The following TMEM260 variants were observed in gnomAD, a reference collection of about 807,000 sequenced individuals.
The protein encoded by TMEM260 is protein O-mannosyl-transferase TMEM260.
A neutral mutation model predicts 88.9 loss-of-function variants in TMEM260; 82 were observed. The observed-to-expected ratio is 0.92, with a 90% confidence interval of 0.77 to 1.11. TMEM260 has a LOEUF of 1.11. TMEM260 is among the 50% of genes least tolerant of loss of function. The probability of loss-of-function intolerance (pLI) is 0.00; values close to 1 mark genes in which losing one functional copy is unlikely to be tolerated. For synonymous variants in TMEM260, 314 were observed against 309.3 expected (o/e 1.02, Z -0.16); for missense variants, 902 against 853.4 (o/e 1.06, Z -0.71).
downstream of TMEM260, among the ~76,000 whole-genome samples, chr14:56,653,736 C>CAAAACAAACAAAAAAA (rs1555343536): frequency 2.1e-4 from 14 of 66,564 alleles, no homozygotes; most frequent in South Asian, 1.7e-3. Flanking sequence ...CTCTTGTCTC[C>CAAAACAAACAAAAAAA]AAAACAAAAA....
intron 12 of TMEM260, among the ~76,000 whole-genome samples, chr14:56,632,009 G>A (rs1397897577): frequency 6.6e-6 from 1 of 152,146 alleles, no homozygotes; most frequent in East Asian, 1.9e-4. Flanking sequence ...AGCTACCTAT[G>A]GTAACACTAC....
chr14:56,618,814 G>A, intron 10 of TMEM260, 51 bp downstream of exon 10: 1 of 1,519,566 alleles, frequency 6.6e-7, no homozygotes, highest in Non-Finnish European at 9.1e-7. Context: ...AGAGATACCT[G>A]AATATTTAGA....
intron 2 of TMEM260, 149 bp from the exon 3 acceptor site, chr14:56,585,612 A>T (rs1885443664): frequency 1.4e-6 from 1 of 712,996 alleles, no homozygotes; most frequent in Admixed American, 3.1e-5. Flanking sequence ...CCTCAAGAGG[A>T]TTACAATAGA....
At chr14:56,630,355 T>G (rs1258683339) in intron 12 of TMEM260, among the ~76,000 whole-genome samples, 2 of 152,186 alleles carry the variant, frequency 1.3e-5, no homozygotes, top group Non-Finnish European at 2.9e-5. Context: ...TTCACAGTCT[T>G]TCTTTTCTCC....
chr14:56,581,588 A>G (rs1278838382), intron 1 of TMEM260, among the ~76,000 whole-genome samples: 2 of 152,216 alleles, frequency 1.3e-5, no homozygotes, highest in Admixed American at 1.3e-4. Flanking sequence ...GAAGGATGGG[A>G]GTGAGATTTA....
At chr14:56,631,031 G>T (rs913479216) in intron 12 of TMEM260, among the ~76,000 whole-genome samples, 3 of 152,166 alleles carry the variant, frequency 2.0e-5, no homozygotes, top group African/African-American at 7.2e-5. Context: ...CTCAATTCTT[G>T]CCACCTCAGA....
the TMEM260 span, among the ~76,000 whole-genome samples, chr14:56,661,411 T>C: frequency 6.6e-6 from 1 of 152,210 alleles, no homozygotes; most frequent in African/African-American, 2.4e-5. Context: ...CTCTGTGCCC[T>C]TGTTAGCTCT....
chr14:56,653,736 C>CAAAACAAAAAAAAAA (rs1555343538), downstream of TMEM260, among the ~76,000 whole-genome samples: 1,214 of 66,462 alleles, frequency 0.018, 41 homozygotes, highest in African/African-American at 0.067. Context: ...CTCTTGTCTC[C>CAAAACAAAAAAAAAA]AAAACAAAAA....
intron 11 of TMEM260, 42 bp downstream of exon 11, chr14:56,621,744 A>G: frequency 2.6e-6 from 4 of 1,535,980 alleles, no homozygotes; most frequent in South Asian, 2.5e-5. Flanking sequence ...GCGATGATTT[A>G]AAAACATATG....
intron 3 of TMEM260, among the ~76,000 whole-genome samples, chr14:56,595,526 C>T (rs1270973011): frequency 6.6e-6 from 1 of 152,116 alleles, no homozygotes; most frequent in Admixed American, 6.6e-5. Flanking sequence ...GTCACCCAGG[C>T]CAGAGTACAG....
intron 13 of TMEM260, 44 bp downstream of exon 13, chr14:56,633,215 T>G (rs1032109243): frequency 1.3e-6 from 2 of 1,488,380 alleles, no homozygotes; most frequent in African/African-American, 1.4e-5. Flanking sequence ...ACATAGCAGT[T>G]TTGAATACCC....
chr14:56,610,660 TATTA>T (rs909885763), intron 6 of TMEM260, among the ~76,000 whole-genome samples: 31 of 152,298 alleles, frequency 2.0e-4, no homozygotes, highest in African/African-American at 6.0e-4. Flanking sequence ...AATAAAAAAG[TATTA>T]ATTATTTTGA....
rs1414933364 is a variant in TMEM260, at chr14:56,603,872, T to C, written c.402T>C (p.Arg134=). The change falls in exon 4 of 16, where the codon CGT becomes CGC. Residue 134 remains arginine, a synonymous_variant. Transcript: ENST00000261556. ...CTGCGGGGGTGTTTTCATTTTCTCG[T>C]CTAACATGGCAGTGGTCCATTGCAG... ...ILAAGVFSFS[R]LTWQWSIAAE... The C allele has an allele frequency of 6.2e-7, 1 of 1,614,016 alleles. No homozygotes were observed.
the TMEM260 span, among the ~76,000 whole-genome samples, chr14:56,661,561 A>AAAGAGGGAAGGGAGGAAGGG: frequency 8.3e-6 from 1 of 120,922 alleles, no homozygotes; most frequent in African/African-American, 4.0e-5. Flanking sequence ...GGAGGGAGGG[A>AAAGAGGGAAGGGAGGAAGGG]AAGAGGGAAG....
chr14:56,646,375 G>C (rs769932413), intron 15 of TMEM260, among the ~76,000 whole-genome samples: 1 of 152,202 alleles, frequency 6.6e-6, no homozygotes, highest in African/African-American at 2.4e-5. Context: ...TGTGCACTCA[G>C]AAAGTCTACA....
At chr14:56,646,737 G>A (rs771064862) in intron 15 of TMEM260, among the ~76,000 whole-genome samples, 15 of 152,038 alleles carry the variant, frequency 9.9e-5, no homozygotes, top group Admixed American at 6.5e-4. Context: ...TTGTTTTATC[G>A]TTGCTAGTGT....
At chr14:56,601,523 A>G (rs10129171) in intron 3 of TMEM260, among the ~76,000 whole-genome samples, 16,592 of 152,054 alleles carry the variant, frequency 0.11, 1,493 homozygotes, top group African/African-American at 0.24. Context: ...TAATTCATCT[A>G]TTTATAGGAG....
At chr14:56,585,226 A>G (rs1594806784) in intron 2 of TMEM260, among the ~76,000 whole-genome samples, 194 bp downstream of exon 2, 2 of 152,162 alleles carry the variant, frequency 1.3e-5, no homozygotes, top group South Asian at 4.1e-4. Flanking sequence ...CAAAGCCTTT[A>G]CTATATATAC....
intron 15 of TMEM260, among the ~76,000 whole-genome samples, chr14:56,638,869 C>T (rs1197850534): frequency 6.6e-6 from 1 of 152,006 alleles, no homozygotes; most frequent in Non-Finnish European, 1.5e-5. Context: ...AGAATACATC[C>T]ACCAAGACTA....
Sources: gnomAD v4.1 joint callset for allele counts (sites outside exome capture counted in the v4.1 genomes callset) on GRCh38, gnomAD v4.1.1 for gene constraint, MANE v1.5 for transcripts, NCBI Gene and HGNC (gene_info 2026-07-23, HGNC 2026-07-21) for gene names.